PGLYRP1: variants seen among roughly 807,000 people sequenced by gnomAD.
PGLYRP1 encodes peptidoglycan recognition protein 1.
PGLYRP1 carries 18 observed loss-of-function variants against 16.3 expected under a neutral mutation model. That is an observed-to-expected ratio of 1.11 (90% CI 0.77 to 1.64). PGLYRP1 has a LOEUF of 1.64. Among genes scored for constraint, PGLYRP1 ranks in the 40% most tolerant of loss-of-function variants. The pLI, the probability that PGLYRP1 is intolerant of heterozygous loss-of-function variation, is 0.00. For synonymous variants in PGLYRP1, 89 were observed against 105.7 expected, an observed-to-expected ratio of 0.84 and a Z score of 0.97; for missense variants, 261 against 268.6, an observed-to-expected ratio of 0.97 and a Z score of 0.20.
At chr19:46,022,518 C>T (rs1049671504) in intron 1 of PGLYRP1, among the ~76,000 whole-genome samples, 1 of 152,284 alleles carries the variant, frequency 6.6e-6, no homozygotes, top group African/African-American at 2.4e-5. Flanking sequence ...TGGATTTCAG[C>T]CCATCCCCCC....
In PGLYRP1 at chr19:46,019,236, C is replaced by T; in HGVS notation, c.*2G>A. The T allele has an allele frequency of 6.2e-7, 1 of 1,613,408 alleles. No individual in the cohort carries two copies. Among genetic ancestry groups the T allele is most frequent in the African/African-American group, 1.3e-5 (1 of 74,958 alleles). On this transcript the variant is annotated 3_prime_UTR_variant, in exon 3 of 3. Coordinates refer to ENST00000008938, the MANE Select transcript of PGLYRP1 (RefSeq NM_005091.3). The surrounding 1 kb of genome is among the most constrained non-coding windows in gnomAD (Gnocchi z 4.8). ...AGGAATGGGGTGCGGATCAGCAGGG[C>T]CTCAGGGGGAGCGGTAGTGTGGCCA...
intron 1 of PGLYRP1, among the ~76,000 whole-genome samples, chr19:46,020,105 C>CTT (rs11477830): frequency 0.032 from 4,145 of 127,760 alleles, 107 homozygotes; most frequent in African/African-American, 0.064. Flanking sequence ...GAGGCAGAGA[C>CTT]TTTTTTTTTT....
At chr19:46,022,670 CG>C in intron 1 of PGLYRP1, 64 bp downstream of exon 1, 1 of 1,576,800 alleles carries the variant, frequency 6.3e-7, no homozygotes, top group Non-Finnish European at 8.7e-7. Context: ...GTCCCGCTGG[CG>C]GGCACTTGCA....
chr19:46,019,758 TC>T lies in PGLYRP1; in HGVS notation c.288-112del. ...CGTTACTGCCGTGGTGCACACAACT[TC>T]CCCAGCATCCTTCTCACCCGTTAAT... On this transcript the variant is annotated intron_variant, in intron 1 of 2. Transcript: ENST00000008938. The surrounding 1 kb of genome is among the most constrained non-coding windows in gnomAD (Gnocchi z 4.8). The T allele has an allele frequency of 9.2e-7, 1 of 1,087,554 alleles. No individual in the cohort carries two copies. Among genetic ancestry groups the T allele is most frequent in the Non-Finnish European group, 1.3e-6 (1 of 768,048 alleles). The allele number at this position is 1,087,554 out of a possible 1,614,324, so 67.4% of individuals were successfully genotyped here. A position where few individuals can be genotyped will look rare whatever the true frequency, so the allele number is the denominator to read the frequency against.
chr19:46,022,855 T>C lies in PGLYRP1; in HGVS notation c.167A>G (p.Tyr56Cys). 3.7e-6 allele frequency: 6 copies of C among 1,613,446 alleles called. No individual in the cohort carries two copies. The highest frequency in any genetic ancestry group is 5.1e-6 in the Non-Finnish European group (6 of 1,179,718). ...GCCCGCCGTGTGCGATACCACCACATAGCGTAAGGGCAGGCTCAGGTGCTG... is the reference window on the plus strand; with the variant it reads ...GCCCGCCGTGTGCGATACCACCACACAGCGTAAGGGCAGGCTCAGGTGCTG... Reference protein sequence around the residue: ...CAQHLSLPLRYVVVSHTAGSS... With the variant: ...CAQHLSLPLRCVVVSHTAGSS... Residue 56 changes from tyrosine to cysteine, a missense_variant, in exon 1 of 3, where the codon TAT becomes TGT. Transcript: ENST00000008938.
Position 46,019,157 on chromosome 19 carries a change from G to T in PGLYRP1, c.*81C>A. 7.8e-7 allele frequency: 1 copy of T among 1,288,524 alleles called. No individual in the cohort carries two copies. The highest frequency in any genetic ancestry group is 1.1e-6 in the Non-Finnish European group (1 of 891,236). 79.8% of individuals were successfully genotyped at this position (1,288,524 alleles called of 1,614,324 possible). ...TGGGACCTGCTGAGGAACACATTTT[G>T]AGCTACATCTTTATTGGAGAAGGAG... On this transcript the variant is annotated 3_prime_UTR_variant, in exon 3 of 3. Coordinates refer to ENST00000008938, the MANE Select transcript of PGLYRP1 (RefSeq NM_005091.3). This position sits in a 1 kb window ranked among gnomAD's most constrained non-coding sequence, Gnocchi z 4.8.
At position 46,022,889 on chromosome 19, in the gene PGLYRP1, C is replaced by T. The variant is rs551727400; in HGVS notation, c.133G>A (p.Glu45Lys). 6.0e-5 allele frequency: 97 copies of T among 1,613,306 alleles called. 1 individual carries two copies. In the Middle Eastern group the frequency reaches 8.2e-4, roughly 14 times the overall value. Residue 45 changes from glutamate to lysine, a missense_variant, in exon 1 of 3, where the codon GAG (glutamate) becomes AAG (lysine). Coordinates refer to ENST00000008938, the MANE Select transcript of PGLYRP1 (RefSeq NM_005091.3). ...PRNEWKALAS[E>K]CAQHLSLPLR... ...GGCAGGCTCAGGTGCTGGGCGCACTCTGATGCCAGGGCCTTCCACTCGTTC... is the reference window on the plus strand; with the variant it reads ...GGCAGGCTCAGGTGCTGGGCGCACTTTGATGCCAGGGCCTTCCACTCGTTC...
At chr19:46,022,564 G>A (rs1260445284) in intron 1 of PGLYRP1, among the ~76,000 whole-genome samples, 171 bp downstream of exon 1, 2 of 152,214 alleles carry the variant, frequency 1.3e-5, no homozygotes, top group South Asian at 2.1e-4. Context: ...CACCTGCCCC[G>A]GCCCACGTGG....
Position 46,023,040 on chromosome 19 carries a change from T to G in PGLYRP1, c.-19A>C, listed in dbSNP as rs2072562. ...GGGACATAGTGGCAGGGCGGCAGGG[T>G]CCGGGAGACCGCTAGGAGCGCCCGG... On this transcript the variant is annotated 5_prime_UTR_variant, in exon 1 of 3. Transcript: ENST00000008938. The G allele has an allele frequency of 0.37, 560,374 of 1,500,088 alleles. 111,572 individuals carry two copies. The highest frequency in any genetic ancestry group is 0.61 in the African/African-American group (43,508 of 71,392). The allele number at this position is 1,500,088 out of a possible 1,614,324, so 92.9% of individuals were successfully genotyped here.
chr19:46,022,779 C>T lies in PGLYRP1; in HGVS notation c.243G>A (p.Gln81=), dbSNP rs752712967. ...AGCCCAGTGTCTTCATGTGGTAGTG[C>T]TGCACATTCCGGGCCTGCTGCTGGC... The part of the protein sequence containing the change: ...ASCQQQARNV[Q]HYHMKTLGWC... The change falls in exon 1 of 3, where the codon CAG becomes CAA. Residue 81 remains glutamine (Q), a synonymous_variant. Coordinates refer to ENST00000008938, the MANE Select transcript of PGLYRP1 (RefSeq NM_005091.3). 2 of 1,614,218 alleles carry T rather than the reference C, an allele frequency of 1.2e-6. No homozygotes were observed. Among genetic ancestry groups the T allele is most frequent in the Admixed American group, 1.7e-5 (1 of 60,026 alleles).
Position 46,019,881 on chromosome 19 carries a change from C to T in PGLYRP1, c.288-234G>A, listed in dbSNP as rs141058051. 3.0e-4 allele frequency among the ~76,000 whole-genome samples: 45 copies of T among 152,292 alleles called. 1 individual carries two copies. The East Asian group carries it at 7.5e-3, about 25-fold the overall frequency. On this transcript the variant is annotated intron_variant, in intron 1 of 2. Coordinates refer to ENST00000008938, the MANE Select transcript of PGLYRP1 (RefSeq NM_005091.3). This position sits in a 1 kb window ranked among gnomAD's most constrained non-coding sequence, Gnocchi z 4.8. ...CACCTTTTTCCATCCTCACAGCAAC[C>T]CTGTGAGTCACTATCACCCCCGTTT... is the stretch of plus-strand genomic sequence containing the variant.
chr19:46,022,497 G>C (rs921942203), intron 1 of PGLYRP1, among the ~76,000 whole-genome samples: 2 of 152,270 alleles, frequency 1.3e-5, no homozygotes, highest in African/African-American at 4.8e-5. Flanking sequence ...CCCGGGAGCG[G>C]GAGCGGGGCT....
rs536265220 is a variant in PGLYRP1 at position 46,021,528 on chromosome 19, A to G, written c.287+1207T>C. Reference sequence around the variant, plus strand: ...GGGTCTGAGAGCCTGCAGGATTGAAAGTTCCCTCCCTGTGGAAACCGTCAG... The same window carrying G: ...GGGTCTGAGAGCCTGCAGGATTGAAGGTTCCCTCCCTGTGGAAACCGTCAG... On this transcript the variant is annotated intron_variant, in intron 1 of 2. Transcript: ENST00000008938. 2.0e-3 allele frequency among the ~76,000 whole-genome samples: 300 copies of G among 152,254 alleles called. 1 individual carries two copies. Among genetic ancestry groups the G allele is most frequent in the African/African-American group, 7.0e-3 (290 of 41,548 alleles).
In PGLYRP1 at chr19:46,022,889, C is replaced by G. The variant is rs551727400; in HGVS notation, c.133G>C (p.Glu45Gln). 6.2e-7 allele frequency: 1 copy of G among 1,613,306 alleles called. No individual in the cohort carries two copies. Among genetic ancestry groups the G allele is most frequent in the African/African-American group, 1.3e-5 (1 of 75,066 alleles). The change falls in exon 1 of 3, where the codon GAG (glutamate) becomes CAG (glutamine). Residue 45 changes from glutamate to glutamine, a missense_variant. Glu to Gln is a conservative substitution (Grantham distance 29). Coordinates refer to ENST00000008938, the MANE Select transcript of PGLYRP1 (RefSeq NM_005091.3). Reference protein sequence around the residue: ...PRNEWKALASECAQHLSLPLR... With the variant: ...PRNEWKALASQCAQHLSLPLR... ...GGCAGGCTCAGGTGCTGGGCGCACTCTGATGCCAGGGCCTTCCACTCGTTC... is the reference window on the plus strand; with the variant it reads ...GGCAGGCTCAGGTGCTGGGCGCACTGTGATGCCAGGGCCTTCCACTCGTTC...
rs1050813220 is a variant in PGLYRP1, at chr19:46,019,761, C to T, written c.288-114G>A. The T allele has an allele frequency of 1.8e-6, 2 of 1,086,960 alleles. No homozygotes were observed. Among genetic ancestry groups the T allele is most frequent in the African/African-American group, 3.2e-5 (2 of 63,402 alleles). 67.3% of individuals were successfully genotyped at this position (1,086,960 alleles called of 1,614,324 possible). A position where few individuals can be genotyped will look rare whatever the true frequency, so the allele number is the denominator to read the frequency against. ...TACTGCCGTGGTGCACACAACTTCCCCAGCATCCTTCTCACCCGTTAATTT... is the reference window on the plus strand; with the variant it reads ...TACTGCCGTGGTGCACACAACTTCCTCAGCATCCTTCTCACCCGTTAATTT... On this transcript the variant is annotated intron_variant, in intron 1 of 2. Coordinates refer to ENST00000008938, the MANE Select transcript of PGLYRP1 (RefSeq NM_005091.3). This position sits in a 1 kb window ranked among gnomAD's most constrained non-coding sequence, Gnocchi z 4.8.
Position 46,019,242 on chromosome 19 carries a change from G to C in PGLYRP1, c.587C>G (p.Pro196Arg), listed in dbSNP as rs1481614909. Residue 196 changes from proline (P) to arginine (R), a missense_variant, in exon 3 of 3, where the codon CCC becomes CGC. Coordinates refer to ENST00000008938, the MANE Select transcript of PGLYRP1 (RefSeq NM_005091.3). This position sits in a 1 kb window ranked among gnomAD's most constrained non-coding sequence, Gnocchi z 4.8. ...LIQNWPHYRS[P>R] Reference sequence around the variant, plus strand: ...GGGGTGCGGATCAGCAGGGCCTCAGGGGGAGCGGTAGTGTGGCCAATTCTG... The same window carrying C: ...GGGGTGCGGATCAGCAGGGCCTCAGCGGGAGCGGTAGTGTGGCCAATTCTG... The C allele has an allele frequency of 5.0e-6, 8 of 1,613,556 alleles. No individual in the cohort carries two copies. The highest frequency in any genetic ancestry group is 4.0e-5 in the African/African-American group (3 of 74,878).
In PGLYRP1 at chr19:46,022,953, C is replaced by G; in HGVS notation, c.69G>C (p.Glu23Asp). Reference sequence around the variant, plus strand: ...GGCTGCAGCAGGCCGGGTCTTCTGTCTCCTGAGCCGCTCCGAGTCGAAGGA... The same window carrying G: ...GGCTGCAGCAGGCCGGGTCTTCTGTGTCCTGAGCCGCTCCGAGTCGAAGGA... ...PSLLRLGAAQ[E>D]TEDPACCSPI... is the part of the protein sequence containing the mutation. The change falls in exon 1 of 3, where the codon GAG (glutamate) becomes GAC (aspartate). Residue 23 changes from glutamate to aspartate, a missense_variant. Coordinates refer to ENST00000008938, the MANE Select transcript of PGLYRP1 (RefSeq NM_005091.3). 6.2e-7 allele frequency: 1 copy of G among 1,607,844 alleles called. No individual in the cohort carries two copies. Among genetic ancestry groups the G allele is most frequent in the South Asian group, 1.1e-5 (1 of 90,158 alleles).
rs748309031 is a variant in PGLYRP1 at position 46,019,393 on chromosome 19, G to A, written c.436C>T (p.Arg146Trp). 4.3e-6 allele frequency: 7 copies of A among 1,613,578 alleles called. No homozygotes were observed. Among genetic ancestry groups the A allele is most frequent in the South Asian group, 2.2e-5 (2 of 91,084 alleles). The change falls in exon 3 of 3, where the codon CGG becomes TGG. Residue 146 changes from arginine (R) to tryptophan (W), a missense_variant. Physicochemically the swap from Arg to Trp is moderately radical, Grantham distance 101. Transcript: ENST00000008938. The surrounding 1 kb of genome is among the most constrained non-coding windows in gnomAD (Gnocchi z 4.8). ...CAGGCCAGTAGACCCTGGGCTGCCC[G>A]GATGGCCTGGGGTGTGGGCACCCGA... ...MDRVPTPQAIRAAQGLLACGV... is the reference protein window; with the variant it reads ...MDRVPTPQAIWAAQGLLACGV...
At chr19:46,020,283 A>G (rs1223437230) in intron 1 of PGLYRP1, among the ~76,000 whole-genome samples, 1 of 151,550 alleles carries the variant, frequency 6.6e-6, no homozygotes, top group African/African-American at 2.4e-5. Flanking sequence ...TAATTTTTGT[A>G]TTATTAGTAG....
Sources: allele counts gnomAD v4.1 joint callset (sites outside exome capture counted in the v4.1 genomes callset), GRCh38; gene constraint gnomAD v4.1.1; non-coding constraint Gnocchi (gnomAD v3.1); transcripts MANE v1.5; gene names NCBI Gene and HGNC (gene_info 2026-07-23, HGNC 2026-07-21).